Variants in LRMDA observed in about 807,000 individuals in gnomAD.
The protein encoded by LRMDA is leucine rich melanocyte differentiation associated.
In LRMDA, 18 loss-of-function variants were observed where a neutral mutation model predicts 29.8. That is an observed-to-expected ratio of 0.60 (90% CI 0.42 to 0.90). The LOEUF is 0.90. Ranked by LOEUF, LRMDA falls within the 40% of genes least tolerant of loss-of-function variation. LRMDA has a pLI of 0.00. For missense variants in LRMDA, 273 were observed against 273.9 expected, an observed-to-expected ratio of 1.00 and a Z score of 0.02; for synonymous variants, 125 against 109.4, an observed-to-expected ratio of 1.14 and a Z score of -0.89.
intron 2 of LRMDA, among the ~76,000 whole-genome samples, chr10:75,633,861 G>T (rs1173835556): frequency 6.6e-6 from 1 of 152,062 alleles, no homozygotes; most frequent in Non-Finnish European, 1.5e-5. Flanking sequence ...TTGGAATATG[G>T]GTGAGAAAGC....
At chr10:76,270,829 G>C (rs1840059889) in intron 5 of LRMDA, 1 of 152,136 alleles carries the variant, frequency 6.6e-6, no homozygotes, top group Admixed American at 6.6e-5. Context: ...TGCACATCCT[G>C]TCCACAAAGC....
chr10:76,375,939 G>A (rs1406180234), intron 6 of LRMDA, among the ~76,000 whole-genome samples: 1 of 152,070 alleles, frequency 6.6e-6, no homozygotes, highest in East Asian at 1.9e-4. Context: ...GAAACAGAGA[G>A]TAAGAATATC....
chr10:75,926,615 G>C (rs915285149), intron 2 of LRMDA, among the ~76,000 whole-genome samples: 1 of 152,180 alleles, frequency 6.6e-6, no homozygotes, highest in African/African-American at 2.4e-5. Context: ...CTTCACCTGG[G>C]TGTTTATGGG....
chr10:76,243,440 C>T (rs1026923747), intron 5 of LRMDA, among the ~76,000 whole-genome samples: 1 of 152,054 alleles, frequency 6.6e-6, no homozygotes, highest in African/African-American at 2.4e-5. Flanking sequence ...TAGCTTACGT[C>T]GACACCAGCT....
chr10:75,608,777 G>A (rs1039280399), intron 2 of LRMDA, among the ~76,000 whole-genome samples: 1 of 152,106 alleles, frequency 6.6e-6, no homozygotes, highest in South Asian at 2.1e-4. Flanking sequence ...TGAGGATAAG[G>A]CTGATGAGTC....
chr10:75,575,326 C>T lies in LRMDA; in HGVS notation c.131+136832C>T, dbSNP rs369698036. ...AATACAATCATGCCTTCCCAACAGT[C>T]CCCTAAAGTCTTAACTCATTCCAGC... On this transcript the variant is annotated intron_variant, in intron 2 of 6. Coordinates refer to ENST00000611255, the MANE Select transcript of LRMDA (RefSeq NM_001305581.2). Among the ~76,000 whole-genome samples the T allele has an allele frequency of 2.0e-5, 3 of 152,296 alleles. No homozygotes were observed. The South Asian group carries it at 6.2e-4, about 32-fold the overall frequency.
chr10:75,564,479 C>T (rs185465879), intron 2 of LRMDA, among the ~76,000 whole-genome samples: 21 of 152,348 alleles, frequency 1.4e-4, no homozygotes, highest in Non-Finnish European at 2.5e-4. Flanking sequence ...TGACCCCTTG[C>T]GCTTCCCGAG....
intron 2 of LRMDA, among the ~76,000 whole-genome samples, chr10:75,658,231 G>A (rs988648266): frequency 6.7e-6 from 1 of 149,104 alleles, no homozygotes; most frequent in Non-Finnish European, 1.5e-5. Context: ...CTTTTTCACT[G>A]CACGCTGTGT....
intron 2 of LRMDA, among the ~76,000 whole-genome samples, chr10:75,542,201 A>G (rs946759733): frequency 2.0e-5 from 3 of 152,204 alleles, no homozygotes; most frequent in African/African-American, 7.2e-5. Context: ...TGGTAACTTT[A>G]AAGAATCTTT....
At chr10:76,080,649 T>A (rs1313011651) in intron 5 of LRMDA, among the ~76,000 whole-genome samples, 2 of 152,244 alleles carry the variant, frequency 1.3e-5, no homozygotes, top group African/African-American at 4.8e-5. Flanking sequence ...AGGAGCTGAC[T>A]CATGTTTTTT....
At chr10:76,005,193 T>C (rs909523707) in intron 2 of LRMDA, among the ~76,000 whole-genome samples, 8 of 152,210 alleles carry the variant, frequency 5.3e-5, no homozygotes, top group African/African-American at 1.9e-4. Flanking sequence ...TCCCTAAACA[T>C]AGGACTTCTC....
At chr10:76,053,993 T>C (rs931320300) in intron 4 of LRMDA, among the ~76,000 whole-genome samples, 1 of 152,216 alleles carries the variant, frequency 6.6e-6, no homozygotes, top group Non-Finnish European at 1.5e-5. Context: ...GAAATACTGA[T>C]GCCCACTGAA....
chr10:76,524,280 T>C (rs1020713707), intron 6 of LRMDA, among the ~76,000 whole-genome samples: 1 of 152,132 alleles, frequency 6.6e-6, no homozygotes, highest in Non-Finnish European at 1.5e-5. Context: ...TGACGTGTCA[T>C]TGGAAATGAA....
At chr10:75,438,640 A>T in intron 2 of LRMDA, 146 bp downstream of exon 2, 1 of 649,712 alleles carries the variant, frequency 1.5e-6, no homozygotes, top group Non-Finnish European at 2.7e-6. Context: ...GCGTGGAATC[A>T]CACCCCAAAG....
chr10:75,975,004 G>A (rs1200439901), intron 2 of LRMDA, among the ~76,000 whole-genome samples: 2 of 152,210 alleles, frequency 1.3e-5, no homozygotes, highest in African/African-American at 4.8e-5. Flanking sequence ...GTATGTACAA[G>A]CTATGACAGA....
chr10:76,480,394 A>C (rs906459421), intron 6 of LRMDA, among the ~76,000 whole-genome samples: 1 of 151,982 alleles, frequency 6.6e-6, no homozygotes, highest in African/African-American at 2.4e-5. Flanking sequence ...TGAATTAGGA[A>C]GTGCAAGATT....
In LRMDA at chr10:76,351,239, A is replaced by C. The variant is rs779392880; in HGVS notation, c.601+26754A>C. 3.9e-5 allele frequency among the ~76,000 whole-genome samples: 6 copies of C among 152,178 alleles called. 1 individual carries two copies. Among genetic ancestry groups the C allele is most frequent in the Non-Finnish European group, 5.9e-5 (4 of 68,024 alleles). ...CTCCGAAACAGCCATACATGGCTGCAGAGGATGCTTCAGCTACCTTCCTTG... is the reference window on the plus strand; with the variant it reads ...CTCCGAAACAGCCATACATGGCTGCCGAGGATGCTTCAGCTACCTTCCTTG... On this transcript the variant is annotated intron_variant, in intron 6 of 6. Transcript: ENST00000611255.
chr10:75,535,324 C>G (rs1839933714), intron 2 of LRMDA, among the ~76,000 whole-genome samples: 1 of 152,070 alleles, frequency 6.6e-6, no homozygotes, highest in Non-Finnish European at 1.5e-5. Flanking sequence ...AATTTCCTCC[C>G]TAGAATTCCA....
rs541225807 is a variant in LRMDA, at chr10:75,671,769, C to A, written c.131+233275C>A. Among the ~76,000 whole-genome samples the A allele has an allele frequency of 3.2e-3, 494 of 152,138 alleles. 4 individuals are homozygous for A. The highest frequency in any genetic ancestry group is 0.01 in the African/African-American group (415 of 41,498). ...ACCTGCACGTTCTGCATATGTATCC[C>A]AGAACTTAAAGTATAATAATAATTA... On this transcript the variant is annotated intron_variant, in intron 2 of 6. Coordinates refer to ENST00000611255, the MANE Select transcript of LRMDA (RefSeq NM_001305581.2).
Sources: gnomAD v4.1 joint callset for allele counts (sites outside exome capture counted in the v4.1 genomes callset) on GRCh38, gnomAD v4.1.1 for gene constraint, MANE v1.5 for transcripts, NCBI Gene and HGNC (gene_info 2026-07-23, HGNC 2026-07-21) for gene names.